The following SYNJ2 variants were observed in gnomAD, a reference collection of about 807,000 sequenced individuals.
The protein encoded by SYNJ2 is synaptojanin 2.
In SYNJ2, 116 loss-of-function variants were observed where a neutral mutation model predicts 141.3. The observed-to-expected ratio is 0.82, with a 90% CI of 0.71 to 0.96. The LOEUF (loss-of-function observed/expected upper bound fraction) is 0.96. SYNJ2 is among the 40% of genes least tolerant of loss of function. SYNJ2 has a pLI of 0.00. For missense variants in SYNJ2, 1,873 were observed against 1,934.8 expected (o/e 0.97, Z 0.60); for synonymous variants, 745 against 777.7 (o/e 0.96, Z 0.70).
intron 1 of SYNJ2, chr6:158,001,592 G>GT (rs1777863981): frequency 6.6e-6 from 1 of 152,006 alleles, no homozygotes; most frequent in Non-Finnish European, 1.5e-5. Context: ...TAGGGACGGG[G>GT]TTTCATCATG....
chr6:158,068,732 A>G lies in SYNJ2; in HGVS notation c.1799+4A>G. Reference sequence around the variant, plus strand: ...CAGGGAATATTGTCAATGCCAGGTAAGGGGCCAGGTGTGCGGGGCCAGGCA... The same window carrying G: ...CAGGGAATATTGTCAATGCCAGGTAGGGGGCCAGGTGTGCGGGGCCAGGCA... On this transcript the variant is annotated splice_donor_region_variant and intron_variant, in intron 13 of 26. Transcript: ENST00000355585. 1 of 1,613,764 alleles carries G rather than the reference A, an allele frequency of 6.2e-7. No homozygotes were observed.
intron 4 of SYNJ2, among the ~76,000 whole-genome samples, chr6:158,035,260 A>G (rs1485413466): frequency 6.6e-6 from 1 of 152,232 alleles, no homozygotes; most frequent in Non-Finnish European, 1.5e-5. Flanking sequence ...GAATCCATAA[A>G]TTGCTTTGGG....
chr6:158,089,154 G>A (rs1459451274), intron 24 of SYNJ2, among the ~76,000 whole-genome samples: 2 of 152,176 alleles, frequency 1.3e-5, no homozygotes, highest in African/African-American at 2.4e-5. Flanking sequence ...TTGGTTGAGA[G>A]AAGAGGCTAA....
At chr6:158,080,813 C>T (rs1353853798) in intron 18 of SYNJ2, among the ~76,000 whole-genome samples, 1 of 152,202 alleles carries the variant, frequency 6.6e-6, no homozygotes, top group African/African-American at 2.4e-5. Context: ...TAAGGTGCCA[C>T]ACTTTATTTT....
At chr6:158,079,842 G>A (rs1444359595) in intron 18 of SYNJ2, among the ~76,000 whole-genome samples, 1 of 152,144 alleles carries the variant, frequency 6.6e-6, no homozygotes, top group East Asian at 1.9e-4. Flanking sequence ...TTGCTGGCCT[G>A]GAGAAAAGCA....
At chr6:158,049,624 G>T (rs1489117538) in intron 5 of SYNJ2, among the ~76,000 whole-genome samples, 4 of 152,210 alleles carry the variant, frequency 2.6e-5, no homozygotes, top group East Asian at 3.8e-4. Context: ...GGGGATGGAG[G>T]GACCCAGCCT....
At chr6:158,078,050 C>A in intron 17 of SYNJ2, 114 bp from the exon 18 acceptor site, 1 of 657,884 alleles carries the variant, frequency 1.5e-6, no homozygotes, top group Non-Finnish European at 2.7e-6. Context: ...GAGGATGAGT[C>A]TGGGACGTGG....
chr6:158,033,610 C>T lies in SYNJ2; in HGVS notation c.641C>T (p.Thr214Ile). ...CLVSRVSCER[T>I]GTRFHTRGVN... ...GTCTCTCGCGTTAGCTGTGAGCGCA[C>T]AGGCACTCGCTTCCACACCCGTGGC... The change falls in exon 4 of 27, where the codon ACA becomes ATA. Residue 214 changes from threonine (T) to isoleucine (I), a missense_variant. Physicochemically the swap from Thr to Ile is moderately conservative, Grantham distance 89 (BLOSUM62 -1). Transcript: ENST00000355585. The T allele has an allele frequency of 6.2e-7, 1 of 1,613,778 alleles. No individual in the cohort carries two copies. Among genetic ancestry groups the T allele is most frequent in the Non-Finnish European group, 8.5e-7 (1 of 1,180,038 alleles).
At position 157,982,206 on chromosome 6, in the gene SYNJ2, G is replaced by C; in HGVS notation, c.127+118G>C. On this transcript the variant is annotated intron_variant, in intron 1 of 26. Transcript: ENST00000355585. This position sits in a 1 kb window ranked among gnomAD's most constrained non-coding sequence, Gnocchi z 4.0. Reference sequence around the variant, plus strand: ...ATCGGGCGGCGCTGGGACTGCCGGGGCGTAGGGGTCGCGCGCAGAGGGGTG... The same window carrying C: ...ATCGGGCGGCGCTGGGACTGCCGGGCCGTAGGGGTCGCGCGCAGAGGGGTG... The C allele has an allele frequency of 8.3e-7, 1 of 1,211,408 alleles. No homozygotes were observed. The highest frequency in any genetic ancestry group is 1.0e-6 in the Non-Finnish European group (1 of 964,756). 75.0% of individuals were successfully genotyped at this position (1,211,408 alleles called of 1,614,324 possible).
rs370826472 is a variant in SYNJ2, at chr6:158,078,154, C to T, written c.2450-10C>T. 6 of 1,568,260 alleles carry T rather than the reference C, an allele frequency of 3.8e-6. No individual in the cohort carries two copies. In the African/African-American group the frequency reaches 6.8e-5, roughly 18 times the overall value. Reference sequence around the variant, plus strand: ...TATATGGGTCTCTCGAATGGAACCCCTGCGAGTAGCTGGAGAACTCAACCT... The same window carrying T: ...TATATGGGTCTCTCGAATGGAACCCTTGCGAGTAGCTGGAGAACTCAACCT... On this transcript the variant is annotated splice_polypyrimidine_tract_variant and intron_variant, in intron 17 of 26. Transcript: ENST00000355585.
At chr6:158,080,484 A>T (rs1474167640) in intron 18 of SYNJ2, among the ~76,000 whole-genome samples, 4 of 148,842 alleles carry the variant, frequency 2.7e-5, no homozygotes, top group African/African-American at 1.0e-4. Flanking sequence ...CAAAATAAAA[A>T]AAAAAAAAAA....
At position 158,043,577 on chromosome 6, in the gene SYNJ2, C is replaced by T. The variant is rs1780072138; in HGVS notation, c.795+178C>T. Among the ~76,000 whole-genome samples, 1 of 152,200 alleles carries T rather than the reference C, an allele frequency of 6.6e-6. No individual in the cohort carries two copies. The highest frequency in any genetic ancestry group is 2.1e-4 in the South Asian group (1 of 4,826). ...AAGTGTGCACACGTGTGTGCATATGCATGCGTGCGTGTGTGTAGAAAACAC... is the reference window on the plus strand; with the variant it reads ...AAGTGTGCACACGTGTGTGCATATGTATGCGTGCGTGTGTGTAGAAAACAC... On this transcript the variant is annotated intron_variant, in intron 5 of 26. Coordinates refer to ENST00000355585, the MANE Select transcript of SYNJ2 (RefSeq NM_003898.4). The surrounding 1 kb of genome is among the most constrained non-coding windows in gnomAD (Gnocchi z 4.0).
Position 158,084,261 on chromosome 6 carries a change from G to A in SYNJ2, c.3208+87G>A, listed in dbSNP as rs1385638321. The A allele has an allele frequency of 1.4e-6, 2 of 1,441,120 alleles. No homozygotes were observed. The highest frequency in any genetic ancestry group is 2.8e-5 in the African/African-American group (2 of 70,618). 89.3% of individuals were successfully genotyped at this position (1,441,120 alleles called of 1,614,324 possible). A position where few individuals can be genotyped will look rare whatever the true frequency, so the allele number is the denominator to read the frequency against. ...CTTTTTCTCTTGGCGATTGGGCACT[G>A]TGTGATATCAAGTATGCAGGTCCCA... On this transcript the variant is annotated intron_variant, in intron 22 of 26. Coordinates refer to ENST00000355585, the MANE Select transcript of SYNJ2 (RefSeq NM_003898.4). The surrounding 1 kb of genome is among the most constrained non-coding windows in gnomAD (Gnocchi z 5.0).
intron 25 of SYNJ2, among the ~76,000 whole-genome samples, chr6:158,090,695 G>C (rs1750035): frequency 0.68 from 102,260 of 151,456 alleles, 35,953 homozygotes; most frequent in African/African-American, 0.89. Context: ...CAGGCGCGCA[G>C]CCCCATGATG....
intron 2 of SYNJ2, chr6:158,028,094 C>T (rs1021496486): frequency 2.6e-5 from 4 of 153,186 alleles, no homozygotes; most frequent in African/African-American, 9.7e-5. Flanking sequence ...GCACATTGGA[C>T]CAGCTGGAGG....
Position 158,071,778 on chromosome 6 carries a change from A to G in SYNJ2, c.2117A>G (p.Lys706Arg). 1.2e-6 allele frequency: 2 copies of G among 1,613,514 alleles called. No homozygotes were observed. The highest frequency in any genetic ancestry group is 1.7e-6 in the Non-Finnish European group (2 of 1,180,002). Residue 706 changes from lysine to arginine, a missense_variant, in exon 15 of 27, where the codon AAA becomes AGA. Physicochemically the swap from Lys to Arg is conservative, Grantham distance 26. Transcript: ENST00000355585. The surrounding 1 kb of genome is among the most constrained non-coding windows in gnomAD (Gnocchi z 4.3). The part of the protein sequence containing the change: ...RNEDYKEITQ[K>R]LCFPMGRNVF... ...GAAGACTACAAGGAGATCACCCAGA[A>G]ACTCTGCTTCCCAATGGTGAGCGGC... is the stretch of plus-strand genomic sequence containing the variant.
rs1783816668 is a variant in SYNJ2, at chr6:158,096,670, C to G, written c.*306C>G. On this transcript the variant is annotated 3_prime_UTR_variant, in exon 27 of 27. Transcript: ENST00000355585. The stretch of plus-strand genomic sequence containing the variant: ...GCCAATGAGGTCCAAGAAGTTCTCA[C>G]CCATTGAATTTTTAAATGGCTGTTC... 1 of 232,834 alleles carries G rather than the reference C, an allele frequency of 4.3e-6. No individual in the cohort carries two copies. Among genetic ancestry groups the G allele is most frequent in the Admixed American group, 5.2e-5 (1 of 19,174 alleles). 14.4% of individuals were successfully genotyped at this position (232,834 alleles called of 1,614,324 possible).
rs1014946845 is a variant in SYNJ2 at position 158,097,137 on chromosome 6, T to A, written c.*773T>A. On this transcript the variant is annotated 3_prime_UTR_variant, in exon 27 of 27. Coordinates refer to ENST00000355585, the MANE Select transcript of SYNJ2 (RefSeq NM_003898.4). ...ATTTTTATCCACCATCTAGTCCTTATTAAATGAAACCTCACGGATCCTTTG... is the reference window on the plus strand; with the variant it reads ...ATTTTTATCCACCATCTAGTCCTTAATAAATGAAACCTCACGGATCCTTTG... 1 of 152,344 alleles carries A rather than the reference T, an allele frequency of 6.6e-6. No homozygotes were observed. The allele number at this position is 152,344 out of a possible 1,614,324, so 9.4% of individuals were successfully genotyped here. A position where few individuals can be genotyped will look rare whatever the true frequency, so the allele number is the denominator to read the frequency against.
chr6:158,005,158 A>C (rs951194194), intron 1 of SYNJ2, among the ~76,000 whole-genome samples: 2 of 150,904 alleles, frequency 1.3e-5, no homozygotes, highest in African/African-American at 2.4e-5. Flanking sequence ...GCTCACTGCA[A>C]GCTCCGCCTC....
Sources: gnomAD v4.1 joint callset for allele counts (sites outside exome capture counted in the v4.1 genomes callset) on GRCh38, gnomAD v4.1.1 for gene constraint, Gnocchi (gnomAD v3.1) non-coding constraint, MANE v1.5 for transcripts, NCBI Gene and HGNC (gene_info 2026-07-23, HGNC 2026-07-21) for gene names.